Variants in SLC25A20 observed in about 807,000 individuals in gnomAD.
SLC25A20 encodes the protein mitochondrial carnitine/acylcarnitine carrier protein.
In SLC25A20, 29 loss-of-function variants were observed where a neutral mutation model predicts 39.7. The ratio of observed to expected loss-of-function variants is 0.73; its 90% confidence interval spans 0.54 to 1.00. SLC25A20 has a LOEUF of 1.00. SLC25A20 is among the 50% of genes least tolerant of loss of function. The pLI is 0.00. For missense variants in SLC25A20, 333 were observed against 379.9 expected (o/e 0.88, Z 1.03); for synonymous variants, 103 against 142.2 (o/e 0.72, Z 1.96).
At chr3:48,865,673 GCA>G (rs1332258132) in intron 4 of SLC25A20, among the ~76,000 whole-genome samples, 3 of 150,190 alleles carry the variant, frequency 2.0e-5, no homozygotes, top group East Asian at 2.0e-4. Flanking sequence ...GGAGGCTGAG[GCA>G]CAAGAATCAC....
chr3:48,887,977 G>C (rs2083843348), intron 2 of SLC25A20, among the ~76,000 whole-genome samples: 2 of 152,082 alleles, frequency 1.3e-5, no homozygotes, highest in Admixed American at 6.6e-5. Flanking sequence ...GGGAGGCTGA[G>C]GCAGGCAGAT....
At chr3:48,863,499 G>A (rs1477943243) in intron 4 of SLC25A20, among the ~76,000 whole-genome samples, 1 of 152,144 alleles carries the variant, frequency 6.6e-6, no homozygotes, top group Non-Finnish European at 1.5e-5. Flanking sequence ...GAACCTGGGG[G>A]TAGGCAGGGG....
In SLC25A20 at chr3:48,892,035, T is replaced by C. The variant is rs1160197401; in HGVS notation, c.143A>G (p.Gln48Arg). ...LQTQPPSLPG[Q>R]PPMYSGTFDC... ...AAAGGTCCCAGAGTACATGGGAGGTTGTCCAGGCAAACTCGGTGGCTGTGT... is the reference window on the plus strand; with the variant it reads ...AAAGGTCCCAGAGTACATGGGAGGTCGTCCAGGCAAACTCGGTGGCTGTGT... Residue 48 changes from glutamine to arginine, a missense_variant, in exon 2 of 9, where the codon CAA becomes CGA. Coordinates refer to ENST00000319017, the MANE Select transcript of SLC25A20 (RefSeq NM_000387.6). 2 of 1,614,126 alleles carry C rather than the reference T, an allele frequency of 1.2e-6. No homozygotes were observed. Among genetic ancestry groups the C allele is most frequent in the Admixed American group, 1.7e-5 (1 of 60,004 alleles).
intron 1 of SLC25A20, among the ~76,000 whole-genome samples, chr3:48,897,649 T>C (rs1396342929): frequency 6.6e-6 from 1 of 152,058 alleles, no homozygotes; most frequent in Non-Finnish European, 1.5e-5. Context: ...GGGCAGCTCC[T>C]CTCTTGGATG....
intron 2 of SLC25A20, among the ~76,000 whole-genome samples, chr3:48,887,450 G>C (rs1394999269): frequency 3.3e-5 from 5 of 152,122 alleles, no homozygotes; most frequent in Non-Finnish European, 5.9e-5. Flanking sequence ...CCCACCCCTA[G>C]GCAGGTGTTC....
At chr3:48,870,700 G>T (rs1418108024) in intron 4 of SLC25A20, among the ~76,000 whole-genome samples, 6 of 150,500 alleles carry the variant, frequency 4.0e-5, no homozygotes, top group African/African-American at 1.5e-4. Context: ...TTTAAGAGAT[G>T]GGGTTTCGCT....
At chr3:48,873,320 C>T (rs769337558) in intron 4 of SLC25A20, among the ~76,000 whole-genome samples, 9 of 151,956 alleles carry the variant, frequency 5.9e-5, no homozygotes, top group Non-Finnish European at 7.4e-5. Flanking sequence ...AGTTCAAGAC[C>T]GGACTGGCGG....
chr3:48,878,041 TCA>T (rs751296508), intron 4 of SLC25A20, among the ~76,000 whole-genome samples: 8 of 151,884 alleles, frequency 5.3e-5, no homozygotes, highest in Non-Finnish European at 1.2e-4. Flanking sequence ...GGCGGGCAGA[TCA>T]CAAGGTTAAG....
intron 4 of SLC25A20, among the ~76,000 whole-genome samples, chr3:48,866,003 G>A (rs1365205622): frequency 6.6e-5 from 10 of 151,786 alleles, no homozygotes; most frequent in Admixed American, 1.3e-4. Flanking sequence ...GCCTGGTAGC[G>A]TGTGCCTGTA....
chr3:48,878,330 T>G (rs1167848695), intron 4 of SLC25A20, among the ~76,000 whole-genome samples: 1 of 149,404 alleles, frequency 6.7e-6, no homozygotes, highest in Non-Finnish European at 1.5e-5. Context: ...GTACACCGGA[T>G]GTGAAGACTT....
At chr3:48,885,044 G>A (rs2083820143) in intron 2 of SLC25A20, among the ~76,000 whole-genome samples, 1 of 152,108 alleles carries the variant, frequency 6.6e-6, no homozygotes, top group South Asian at 2.1e-4. Context: ...CACTAGCACA[G>A]TTTAGTAATG....
intron 2 of SLC25A20, 144 bp downstream of exon 2, chr3:48,891,836 G>A (rs567402655): frequency 8.7e-5 from 66 of 757,852 alleles, no homozygotes; most frequent in South Asian, 8.4e-4. Flanking sequence ...CAACAGGGGG[G>A]CACAGGGTGG....
chr3:48,889,960 G>A (rs1275810696), intron 2 of SLC25A20, among the ~76,000 whole-genome samples: 1 of 152,182 alleles, frequency 6.6e-6, no homozygotes, highest in East Asian at 1.9e-4. Context: ...AGGGCCGCTT[G>A]AGGGCTCCTT....
intron 1 of SLC25A20, among the ~76,000 whole-genome samples, chr3:48,896,436 T>C (rs2083910182): frequency 1.3e-5 from 2 of 152,130 alleles, no homozygotes; most frequent in South Asian, 4.1e-4. Flanking sequence ...CTCAACAGGA[T>C]ATCAGCCATC....
At chr3:48,872,908 TA>T (rs2083727205) in intron 4 of SLC25A20, among the ~76,000 whole-genome samples, 1 of 151,598 alleles carries the variant, frequency 6.6e-6, no homozygotes, top group Non-Finnish European at 1.5e-5. Flanking sequence ...GGCTTGAATG[TA>T]AAACATAAAA....
chr3:48,866,107 C>T (rs1050974761), intron 4 of SLC25A20, among the ~76,000 whole-genome samples: 1 of 151,248 alleles, frequency 6.6e-6, no homozygotes, highest in Non-Finnish European at 1.5e-5. Flanking sequence ...GCACTCCAGC[C>T]TGGCGACAGA....
intron 5 of SLC25A20, among the ~76,000 whole-genome samples, chr3:48,861,483 T>G (rs1022554957): frequency 2.6e-5 from 4 of 152,164 alleles, no homozygotes; most frequent in Non-Finnish European, 4.4e-5. Flanking sequence ...TCCTAGCACT[T>G]TGGGAGACCA....
At chr3:48,887,589 G>A (rs995245228) in intron 2 of SLC25A20, among the ~76,000 whole-genome samples, 1 of 152,132 alleles carries the variant, frequency 6.6e-6, no homozygotes. Context: ...CACTAGAGAT[G>A]TAAGGAGGAG....
intron 3 of SLC25A20, among the ~76,000 whole-genome samples, chr3:48,880,656 G>A (rs771370376): frequency 4.2e-5 from 6 of 141,746 alleles, no homozygotes; most frequent in Non-Finnish European, 6.0e-5. Context: ...TCAGCTCACT[G>A]CAACCTCCAT....
Sources: gnomAD v4.1 joint callset for allele counts (sites outside exome capture counted in the v4.1 genomes callset) on GRCh38, gnomAD v4.1.1 for gene constraint, MANE v1.5 for transcripts, NCBI Gene and HGNC (gene_info 2026-07-23, HGNC 2026-07-21) for gene names.